Variants in CEP170 observed in about 807,000 individuals in gnomAD.
CEP170 encodes the protein centrosomal protein of 170 kDa.
CEP170 carries 21 observed loss-of-function variants against 151.9 expected under a neutral mutation model. That is an observed-to-expected ratio of 0.14 (90% confidence interval 0.10 to 0.20). CEP170 has a LOEUF of 0.20. Among genes scored for constraint, CEP170 ranks in the 10% least tolerant of loss-of-function variants. The pLI is 1.00. For missense variants in CEP170, 964 were observed against 1,892.9 expected (o/e 0.51, Z 9.11); for synonymous variants, 356 against 648.8 (o/e 0.55, Z 6.86).
chr1:243,252,405 A>C (rs2066021342), intron 1 of CEP170, among the ~76,000 whole-genome samples: 1 of 152,192 alleles, frequency 6.6e-6, no homozygotes. Context: ...CATTTTGACA[A>C]AAAAGCTTAA....
At chr1:243,142,092 T>G (rs565971851) in intron 15 of CEP170, among the ~76,000 whole-genome samples, 2 of 152,364 alleles carry the variant, frequency 1.3e-5, no homozygotes, top group African/African-American at 4.8e-5. Flanking sequence ...AAATGCTGTT[T>G]CTAAAGAATT....
intron 3 of CEP170, 131 bp downstream of exon 3, chr1:243,221,593 C>T (rs2062821827): frequency 2.3e-6 from 2 of 873,728 alleles, no homozygotes; most frequent in Non-Finnish European, 3.5e-6. Context: ...GTGCTATGTA[C>T]CTGATAAGCA....
intron 14 of CEP170, among the ~76,000 whole-genome samples, chr1:243,143,813 G>A (rs1361415166): frequency 4.0e-5 from 6 of 151,448 alleles, no homozygotes; most frequent in Non-Finnish European, 7.4e-5. Flanking sequence ...GCAATCCTCC[G>A]ACTCAGCCTC....
At chr1:243,144,839 T>C (rs2056277926) in intron 14 of CEP170, among the ~76,000 whole-genome samples, 1 of 152,226 alleles carries the variant, frequency 6.6e-6, no homozygotes, top group Non-Finnish European at 1.5e-5. Context: ...AAAATAGTGC[T>C]GAAGGAACAA....
chr1:243,245,902 C>T (rs2065341857), intron 1 of CEP170, among the ~76,000 whole-genome samples: 1 of 151,568 alleles, frequency 6.6e-6, no homozygotes, highest in Admixed American at 6.6e-5. Context: ...GCCATGAACA[C>T]ACCACTCCAC....
intron 1 of CEP170, among the ~76,000 whole-genome samples, chr1:243,247,365 C>T (rs957479495): frequency 1.3e-5 from 2 of 151,998 alleles, no homozygotes; most frequent in African/African-American, 2.4e-5. Flanking sequence ...TCTTTTCTTT[C>T]TTTTTTGAGA....
chr1:243,169,189 G>C (rs2058654398), intron 12 of CEP170: 1 of 153,276 alleles, frequency 6.5e-6, no homozygotes, highest in Non-Finnish European at 1.5e-5. Context: ...TAAAAGTAAA[G>C]ACAAAATTTA....
chr1:243,171,217 TTAAG>T (rs1461784367), intron 11 of CEP170, among the ~76,000 whole-genome samples: 1 of 152,134 alleles, frequency 6.6e-6, no homozygotes, highest in Admixed American at 6.5e-5. Flanking sequence ...AATAAGTAAA[TTAAG>T]TATCTCATAA....
In CEP170 at chr1:243,125,498, A is replaced by C. The variant is rs1311140351; in HGVS notation, c.*951T>G. On this transcript the variant is annotated 3_prime_UTR_variant, in exon 20 of 20. Coordinates refer to ENST00000366542, the MANE Select transcript of CEP170 (RefSeq NM_014812.3). Reference sequence around the variant, plus strand: ...AAATTTTAACCTCATGATCATTTCAAGGGAATTTCTTTTTCAACTGTCACA... The same window carrying C: ...AAATTTTAACCTCATGATCATTTCACGGGAATTTCTTTTTCAACTGTCACA... The C allele has an allele frequency of 6.5e-6, 1 of 152,750 alleles. No individual in the cohort carries two copies. Among genetic ancestry groups the C allele is most frequent in the Non-Finnish European group, 1.5e-5 (1 of 68,124 alleles). 9.5% of individuals were successfully genotyped at this position (152,750 alleles called of 1,614,324 possible). A position where few individuals can be genotyped will look rare whatever the true frequency, so the allele number is the denominator to read the frequency against.
In CEP170 at chr1:243,124,922, GTT is replaced by G. The variant is rs986233778; in HGVS notation, c.*1525_*1526del. ...AAAGAAAAATAGGAGATCCATTATA[GTT>G]TTGTTTTTACATCTCTATAAAGTTT... On this transcript the variant is annotated 3_prime_UTR_variant, in exon 20 of 20. Transcript: ENST00000366542. The G allele has an allele frequency of 2.0e-5, 3 of 151,422 alleles. No individual in the cohort carries two copies. The highest frequency in any genetic ancestry group is 4.4e-5 in the Non-Finnish European group (3 of 67,784). The allele number at this position is 151,422 out of a possible 1,614,324, so 9.4% of individuals were successfully genotyped here.
In CEP170 at chr1:243,164,859, G is replaced by C; in HGVS notation, c.3101C>G (p.Ser1034Cys). ...DDDQTSSVPH[S>C]AISDIMSSDQ... ...AGATGACATAATATCAGAGATGGCA[G>C]AATGAGGTACACTAGAGGTTTGGTC... The change falls in exon 13 of 20, where the codon TCT becomes TGT. Residue 1034 changes from serine (S) to cysteine (C), a missense_variant. Transcript: ENST00000366542. 6.2e-7 allele frequency: 1 copy of C among 1,613,430 alleles called. No individual in the cohort carries two copies. The highest frequency in any genetic ancestry group is 8.5e-7 in the Non-Finnish European group (1 of 1,179,474).
At chr1:243,167,027 A>T (rs1301862821) in intron 12 of CEP170, among the ~76,000 whole-genome samples, 1 of 152,134 alleles carries the variant, frequency 6.6e-6, no homozygotes, top group Admixed American at 6.6e-5. Context: ...TATAGAAGGG[A>T]AGTTCACTGT....
rs188527322 is a variant in CEP170, at chr1:243,192,671, C to T, written c.632-1177G>A. 2.7e-3 allele frequency among the ~76,000 whole-genome samples: 414 copies of T among 152,328 alleles called. 2 individuals are homozygous for T. Among genetic ancestry groups the T allele is most frequent in the African/African-American group, 9.5e-3 (396 of 41,572 alleles). On this transcript the variant is annotated intron_variant, in intron 7 of 19. Coordinates refer to ENST00000366542, the MANE Select transcript of CEP170 (RefSeq NM_014812.3). The stretch of plus-strand genomic sequence containing the variant: ...CCAAACATTTTCTAATTAAGTGAAG[C>T]GTTTGGTCTTTTGAAACATCTTTTC...
At chr1:243,243,497 G>GATTGATTT (rs1249481351) in intron 1 of CEP170, among the ~76,000 whole-genome samples, 16 of 146,064 alleles carry the variant, frequency 1.1e-4, no homozygotes, top group African/African-American at 4.1e-4. Flanking sequence ...TTACCATTCT[G>GATTGATTT]ATTTATTTAT....
intron 14 of CEP170, among the ~76,000 whole-genome samples, chr1:243,144,112 G>A (rs2148337095): frequency 6.6e-6 from 1 of 152,292 alleles, no homozygotes; most frequent in Non-Finnish European, 1.5e-5. Flanking sequence ...ACTGTGCTAA[G>A]TCCTAAAGAC....
In CEP170 at chr1:243,185,985, G is replaced by A. The variant is rs776728313; in HGVS notation, c.1360C>T (p.Pro454Ser). The change falls in exon 10 of 20, where the codon CCC becomes TCC. Residue 454 changes from proline to serine, a missense_variant. Transcript: ENST00000366542. This position sits in a 1 kb window ranked among gnomAD's most constrained non-coding sequence, Gnocchi z 4.9. ...CTTAATAATGCAGTTTGTAGGAAGG[G>A]TATTGACACCGATGGCTCCTCTGAT... Reference protein sequence around the residue: ...QKSEEPSVSIPFLQTALLRSS... With the variant: ...QKSEEPSVSISFLQTALLRSS... 4.3e-6 allele frequency: 7 copies of A among 1,613,748 alleles called. No individual in the cohort carries two copies. The highest frequency in any genetic ancestry group is 5.9e-6 in the Non-Finnish European group (7 of 1,179,706).
chr1:243,239,470 T>C (rs1056336159), intron 1 of CEP170, among the ~76,000 whole-genome samples: 3 of 152,224 alleles, frequency 2.0e-5, no homozygotes, highest in African/African-American at 7.2e-5. Context: ...ATTACATTTA[T>C]AAAAGTAAAT....
At chr1:243,238,993 G>A (rs2064528980) in intron 1 of CEP170, among the ~76,000 whole-genome samples, 1 of 152,006 alleles carries the variant, frequency 6.6e-6, no homozygotes, top group Non-Finnish European at 1.5e-5. Flanking sequence ...TGTTTTTACG[G>A]GGTTACTTCC....
intron 13 of CEP170, among the ~76,000 whole-genome samples, chr1:243,159,791 G>C (rs1386831519): frequency 6.6e-6 from 1 of 151,178 alleles, no homozygotes; most frequent in Non-Finnish European, 1.5e-5. Flanking sequence ...GTGTGTGTGT[G>C]TGTGTGTGTG....
Sources: allele counts gnomAD v4.1 joint callset (sites outside exome capture counted in the v4.1 genomes callset), GRCh38; gene constraint gnomAD v4.1.1; non-coding constraint Gnocchi (gnomAD v3.1); transcripts MANE v1.5; gene names NCBI Gene and HGNC (gene_info 2026-07-23, HGNC 2026-07-21).